Variants in ST8SIA6 observed in about 807,000 individuals in gnomAD.
The protein encoded by ST8SIA6 is ST8 alpha-N-acetyl-neuraminide alpha-2,8-sialyltransferase 6.
ST8SIA6 carries 39 observed loss-of-function variants against 33.6 expected under a neutral mutation model. The ratio of observed to expected loss-of-function variants is 1.16; its 90% CI spans 0.90 to 1.52. ST8SIA6 has a LOEUF of 1.52. Among genes scored for constraint, ST8SIA6 ranks in the 40% most tolerant of loss-of-function variants. The pLI is 0.00. For synonymous variants in ST8SIA6, 172 were observed against 167.2 expected, an observed-to-expected ratio of 1.03 and a Z score of -0.22; for missense variants, 441 against 443.8, an observed-to-expected ratio of 0.99 and a Z score of 0.06.
intron 4 of ST8SIA6, among the ~76,000 whole-genome samples, chr10:17,333,116 C>G (rs186537107): frequency 6.3e-4 from 96 of 152,102 alleles, no homozygotes; most frequent in Admixed American, 1.7e-3. Context: ...AGCAGAGAGC[C>G]AAATCATGAC....
intron 3 of ST8SIA6, among the ~76,000 whole-genome samples, chr10:17,375,548 A>G (rs1849886082): frequency 6.6e-6 from 1 of 152,244 alleles, no homozygotes; most frequent in African/African-American, 2.4e-5. Flanking sequence ...TATCTTTCAG[A>G]AAATTCAATT....
Position 17,355,028 on chromosome 10 carries a change from C to A in ST8SIA6, c.377+4486G>T, listed in dbSNP as rs1849149842. ...GCTGAATGAGTAAAAGCTTAGGAAT[C>A]TATAAAAAGAGGACAAACCCCCTCG... On this transcript the variant is annotated intron_variant, in intron 4 of 7. Coordinates refer to ENST00000377602, the MANE Select transcript of ST8SIA6 (RefSeq NM_001004470.3). Among the ~76,000 whole-genome samples the A allele has an allele frequency of 2.0e-5, 3 of 152,148 alleles. No homozygotes were observed. The South Asian group carries it at 6.2e-4, about 32-fold the overall frequency.
chr10:17,357,284 C>T (rs1849229437), intron 4 of ST8SIA6, among the ~76,000 whole-genome samples: 1 of 147,298 alleles, frequency 6.8e-6, no homozygotes, highest in South Asian at 2.2e-4. Context: ...TGCCACCACG[C>T]CTGGCTAATT....
At position 17,454,262 on chromosome 10, in the gene ST8SIA6, C is replaced by G. The variant is rs1487191074; in HGVS notation, c.-7G>C. ...GTGCGCCCCCCGGCCGCATCCTGAGCCACAGGCGCCGCCGCCACCGCTGCT... is the reference window on the plus strand; with the variant it reads ...GTGCGCCCCCCGGCCGCATCCTGAGGCACAGGCGCCGCCGCCACCGCTGCT... On this transcript the variant is annotated 5_prime_UTR_variant, in exon 1 of 8. Coordinates refer to ENST00000377602, the MANE Select transcript of ST8SIA6 (RefSeq NM_001004470.3). This position sits in a 1 kb window ranked among gnomAD's most constrained non-coding sequence, Gnocchi z 4.1. 9.0e-6 allele frequency: 2 copies of G among 221,842 alleles called. No individual in the cohort carries two copies. Among genetic ancestry groups the G allele is most frequent in the Non-Finnish European group, 1.7e-5 (2 of 115,204 alleles). 13.7% of individuals were successfully genotyped at this position (221,842 alleles called of 1,614,324 possible). A position where few individuals can be genotyped will look rare whatever the true frequency, so the allele number is the denominator to read the frequency against.
At chr10:17,390,119 A>G (rs1409921636) in intron 3 of ST8SIA6, among the ~76,000 whole-genome samples, 1 of 152,132 alleles carries the variant, frequency 6.6e-6, no homozygotes, top group East Asian at 1.9e-4. Context: ...CCTCTTGAGT[A>G]GCTGGGATTA....
At chr10:17,403,624 CA>C (rs1291874245) in intron 2 of ST8SIA6, 2 of 152,226 alleles carry the variant, frequency 1.3e-5, no homozygotes, top group African/African-American at 2.4e-5. Context: ...GTCTAATATA[CA>C]TATCTTTTCT....
chr10:17,405,408 G>T (rs758883326), intron 2 of ST8SIA6, among the ~76,000 whole-genome samples: 2 of 151,368 alleles, frequency 1.3e-5, no homozygotes, highest in East Asian at 1.9e-4. Flanking sequence ...GATCATTTTC[G>T]TAGCTGTATG....
chr10:17,367,386 C>T (rs111916811), intron 3 of ST8SIA6, among the ~76,000 whole-genome samples: 2 of 152,214 alleles, frequency 1.3e-5, no homozygotes, highest in African/African-American at 4.8e-5. Flanking sequence ...ATGAGAACAG[C>T]ACGAGAAAAC....
intron 2 of ST8SIA6, among the ~76,000 whole-genome samples, chr10:17,421,551 T>G (rs908123623): frequency 6.6e-6 from 1 of 152,154 alleles, no homozygotes; most frequent in African/African-American, 2.4e-5. Flanking sequence ...TCATACAAAT[T>G]AGAACAAGTC....
chr10:17,325,766 C>T lies in ST8SIA6; in HGVS notation c.635+1248G>A, dbSNP rs1028339501. ...CTAGTTTTAAAGGAAATTCTATATTCGGGAAAATACCTCTCATCAGCAAGT... is the reference window on the plus strand; with the variant it reads ...CTAGTTTTAAAGGAAATTCTATATTTGGGAAAATACCTCTCATCAGCAAGT... On this transcript the variant is annotated intron_variant, in intron 6 of 7. Transcript: ENST00000377602. 4.6e-5 allele frequency among the ~76,000 whole-genome samples: 7 copies of T among 152,188 alleles called. No homozygotes were observed. The East Asian group carries it at 9.6e-4, about 21-fold the overall frequency.
intron 2 of ST8SIA6, among the ~76,000 whole-genome samples, chr10:17,429,732 G>A (rs955554581): frequency 1.1e-4 from 16 of 152,172 alleles, no homozygotes; most frequent in East Asian, 7.7e-4. Flanking sequence ...CGATCTGACC[G>A]CCTCAGCCTC....
intron 3 of ST8SIA6, among the ~76,000 whole-genome samples, chr10:17,374,774 T>TATATATATATATATATATATATACACA (rs1458259301): frequency 6.7e-6 from 1 of 148,622 alleles, no homozygotes; most frequent in African/African-American, 2.5e-5. Flanking sequence ...TATATTTAGC[T>TATATATATATATATATATATATACACA]CAACTGCCCT....
At chr10:17,405,884 CA>C (rs10546412) in intron 2 of ST8SIA6, among the ~76,000 whole-genome samples, 2,793 of 85,326 alleles carry the variant, frequency 0.033, 58 homozygotes, top group African/African-American at 0.08. Context: ...GACTCCATTT[CA>C]AAAAAAAAAA....
chr10:17,351,714 A>C (rs1051306635), intron 4 of ST8SIA6, among the ~76,000 whole-genome samples: 17 of 152,212 alleles, frequency 1.1e-4, no homozygotes, highest in African/African-American at 4.1e-4. Context: ...AATAGTATAC[A>C]GCCTTAAAAA....
intron 3 of ST8SIA6, among the ~76,000 whole-genome samples, chr10:17,373,014 C>A (rs753480315): frequency 2.6e-5 from 4 of 152,088 alleles, no homozygotes; most frequent in Non-Finnish European, 5.9e-5. Flanking sequence ...ACCTACAGAT[C>A]GAGGGTACAG....
At chr10:17,411,987 C>T (rs575635967) in intron 2 of ST8SIA6, among the ~76,000 whole-genome samples, 47 of 152,156 alleles carry the variant, frequency 3.1e-4, no homozygotes, top group Admixed American at 2.9e-3. Context: ...AGAGCCATGG[C>T]CAGCCTGTTC....
chr10:17,346,926 G>A (rs1454131095), intron 4 of ST8SIA6, among the ~76,000 whole-genome samples: 1 of 152,080 alleles, frequency 6.6e-6, no homozygotes, highest in Non-Finnish European at 1.5e-5. Flanking sequence ...CAATTGCAAG[G>A]GCTAGCACAT....
chr10:17,326,711 C>A (rs534101324), intron 6 of ST8SIA6, among the ~76,000 whole-genome samples: 60 of 152,278 alleles, frequency 3.9e-4, no homozygotes, highest in African/African-American at 1.3e-3. Flanking sequence ...TGGAGTCCTC[C>A]CAAGGTAGCC....
At chr10:17,334,389 G>T (rs1220640491) in intron 4 of ST8SIA6, among the ~76,000 whole-genome samples, 1 of 151,358 alleles carries the variant, frequency 6.6e-6, no homozygotes, top group Non-Finnish European at 1.5e-5. Flanking sequence ...AATACAAAAA[G>T]TTAGCCGGGC....
Sources: allele counts gnomAD v4.1 joint callset (sites outside exome capture counted in the v4.1 genomes callset), GRCh38; gene constraint gnomAD v4.1.1; non-coding constraint Gnocchi (gnomAD v3.1); transcripts MANE v1.5; gene names NCBI Gene and HGNC (gene_info 2026-07-23, HGNC 2026-07-21).